SNTG1: variants seen among roughly 807,000 people sequenced by gnomAD.
SNTG1 encodes the protein gamma-1-syntrophin.
SNTG1 carries 39 observed loss-of-function variants against 74.7 expected under a neutral mutation model. The ratio of observed to expected loss-of-function variants is 0.52; its 90% confidence interval spans 0.40 to 0.68. The LOEUF (loss-of-function observed/expected upper bound fraction) is 0.68. Ranked by LOEUF, SNTG1 falls within the 30% of genes least tolerant of loss-of-function variation. The probability of loss-of-function intolerance (pLI) is 0.00; values close to 1 mark genes in which losing one functional copy is unlikely to be tolerated. For missense variants in SNTG1, 685 were observed against 609.5 expected (o/e 1.12, Z -1.30); for synonymous variants, 254 against 217.1 (o/e 1.17, Z -1.49).
chr8:50,599,835 A>G (rs1189718689), intron 13 of SNTG1, among the ~76,000 whole-genome samples: 3 of 152,088 alleles, frequency 2.0e-5, no homozygotes, highest in Non-Finnish European at 4.4e-5. Flanking sequence ...TAGGACTTCC[A>G]GTACTATTTT....
chr8:50,784,602 C>A (rs7832799), intron 18 of SNTG1, among the ~76,000 whole-genome samples: 33,519 of 152,002 alleles, frequency 0.22, 3,859 homozygotes, highest in South Asian at 0.33. Flanking sequence ...GACATCAGTA[C>A]CCCACTGTAA....
intron 8 of SNTG1, among the ~76,000 whole-genome samples, chr8:50,486,778 G>A (rs947413655): frequency 2.6e-5 from 4 of 151,308 alleles, no homozygotes; most frequent in African/African-American, 4.9e-5. Flanking sequence ...TATGATATTG[G>A]CTGTGGGTTT....
intron 18 of SNTG1, among the ~76,000 whole-genome samples, chr8:50,784,110 T>G (rs1001452753): frequency 2.0e-5 from 3 of 152,292 alleles, no homozygotes; most frequent in Admixed American, 2.0e-4. Context: ...GAGTAGGAGA[T>G]CCAGTTCGCC....
At position 50,625,871 on chromosome 8, in the gene SNTG1, A is replaced by G. The variant is rs78111881; in HGVS notation, c.850-31038A>G. 2.0e-3 allele frequency among the ~76,000 whole-genome samples: 308 copies of G among 152,324 alleles called. 3 individuals are homozygous for G. The highest frequency in any genetic ancestry group is 6.9e-3 in the African/African-American group (289 of 41,584). ...ATGTAGATATGATACAGGCAGTTGG[A>G]ATAGAGATAAGAGTACATATTTATT... On this transcript the variant is annotated intron_variant, in intron 13 of 18. Coordinates refer to ENST00000642720, the MANE Select transcript of SNTG1 (RefSeq NM_018967.5).
chr8:50,222,680 T>G (rs1035541022), intron 2 of SNTG1, among the ~76,000 whole-genome samples: 1 of 152,114 alleles, frequency 6.6e-6, no homozygotes, highest in Non-Finnish European at 1.5e-5. Context: ...ATTGCCAAGG[T>G]AGTGACCAGC....
chr8:50,156,562 A>T (rs958028482), intron 1 of SNTG1, among the ~76,000 whole-genome samples: 1 of 152,058 alleles, frequency 6.6e-6, no homozygotes, highest in Non-Finnish European at 1.5e-5. Context: ...TATATGTATT[A>T]CTGTATACAG....
intron 1 of SNTG1, among the ~76,000 whole-genome samples, chr8:50,091,962 C>T (rs141821530): frequency 6.6e-6 from 1 of 152,040 alleles, no homozygotes; most frequent in Non-Finnish European, 1.5e-5. Flanking sequence ...AAATCTGTCA[C>T]CTGGGAACGC....
intron 1 of SNTG1, among the ~76,000 whole-genome samples, chr8:50,046,810 T>C (rs1819128092): frequency 6.6e-6 from 1 of 152,202 alleles, no homozygotes; most frequent in African/African-American, 2.4e-5. Context: ...TTTTGATATG[T>C]TATGTCTTAG....
chr8:50,650,506 A>T (rs1025334128), intron 13 of SNTG1, among the ~76,000 whole-genome samples: 68 of 152,218 alleles, frequency 4.5e-4, no homozygotes, highest in African/African-American at 1.6e-3. Context: ...GGAGGACCTT[A>T]CAAGAATTTA....
intron 17 of SNTG1, among the ~76,000 whole-genome samples, chr8:50,716,113 T>C (rs1254555490): frequency 6.6e-6 from 1 of 152,170 alleles, no homozygotes; most frequent in African/African-American, 2.4e-5. Flanking sequence ...ACACACTTTA[T>C]TACACATCTT....
At chr8:50,727,022 G>A (rs2095501895) in intron 17 of SNTG1, among the ~76,000 whole-genome samples, 1 of 151,886 alleles carries the variant, frequency 6.6e-6, no homozygotes, top group South Asian at 2.1e-4. Context: ...GAAGGGAGTG[G>A]GCTTACATTA....
At chr8:50,184,036 T>A (rs2131732814) in intron 2 of SNTG1, among the ~76,000 whole-genome samples, 1 of 149,828 alleles carries the variant, frequency 6.7e-6, no homozygotes. Context: ...TTGGATTCCA[T>A]TTTTTTTCCA....
chr8:50,049,123 A>G (rs899383698), intron 1 of SNTG1, among the ~76,000 whole-genome samples: 1 of 152,122 alleles, frequency 6.6e-6, no homozygotes, highest in Non-Finnish European at 1.5e-5. Flanking sequence ...GAAAAGAGCC[A>G]TGAATTGTAA....
At chr8:50,224,196 CA>C (rs1347798291) in intron 2 of SNTG1, among the ~76,000 whole-genome samples, 2 of 151,988 alleles carry the variant, frequency 1.3e-5, no homozygotes, top group South Asian at 2.1e-4. Flanking sequence ...GGAGACATAT[CA>C]CATTAGTGGA....
chr8:50,420,196 G>C (rs1048516571), intron 4 of SNTG1, among the ~76,000 whole-genome samples: 3 of 152,054 alleles, frequency 2.0e-5, no homozygotes, highest in African/African-American at 7.2e-5. Flanking sequence ...ACCTCAAAAA[G>C]CATAAAGTCA....
At chr8:50,615,566 C>T (rs1178148114) in intron 13 of SNTG1, among the ~76,000 whole-genome samples, 1 of 152,134 alleles carries the variant, frequency 6.6e-6, no homozygotes, top group Non-Finnish European at 1.5e-5. Context: ...GATAAGAAAT[C>T]ATCATGCCAT....
chr8:49,940,020 G>A (rs564062443), intron 1 of SNTG1, among the ~76,000 whole-genome samples: 2 of 152,322 alleles, frequency 1.3e-5, no homozygotes, highest in Admixed American at 6.5e-5. Context: ...ATTCGACATA[G>A]CATGAGATGA....
chr8:50,162,569 A>G (rs895670155), intron 1 of SNTG1, among the ~76,000 whole-genome samples: 26 of 150,476 alleles, frequency 1.7e-4, no homozygotes, highest in Non-Finnish European at 3.5e-4. Flanking sequence ...CAAAAAAAAA[A>G]AAAAAAAAGA....
intron 1 of SNTG1, among the ~76,000 whole-genome samples, chr8:50,008,144 G>GA (rs112069665): frequency 3.3e-5 from 5 of 151,902 alleles, no homozygotes; most frequent in Non-Finnish European, 7.4e-5. Context: ...AGAATTTATG[G>GA]AAAAAAACCC....
Sources: allele counts gnomAD v4.1 joint callset (sites outside exome capture counted in the v4.1 genomes callset), GRCh38; gene constraint gnomAD v4.1.1; transcripts MANE v1.5; gene names NCBI Gene and HGNC (gene_info 2026-07-23, HGNC 2026-07-21).